MID1: variants seen among roughly 807,000 people sequenced by gnomAD.
MID1 encodes midline 1.
A neutral mutation model predicts 40.4 loss-of-function variants in MID1; 7 were observed. The ratio of observed to expected loss-of-function variants is 0.17; its 90% CI spans 0.10 to 0.33. The LOEUF is 0.33. MID1 is among the 10% of genes least tolerant of loss of function. The probability of loss-of-function intolerance (pLI) is 1.00; values close to 1 mark genes in which losing one functional copy is unlikely to be tolerated. For synonymous variants in MID1, 229 were observed against 221.2 expected (o/e 1.04, Z -0.31); for missense variants, 367 against 558.5 (o/e 0.66, Z 3.46).
chrX:10,449,325 A>C lies in MID1; in HGVS notation c.*43T>G, dbSNP rs1449967039. On this transcript the variant is annotated 3_prime_UTR_variant, in exon 10 of 10. Coordinates refer to ENST00000317552, the MANE Select transcript of MID1 (RefSeq NM_000381.4). ...TCTCAGTCCCCTAAATAGTGGCCTGAACCTTACTGTTCCCCAGAAAGCAGC... is the reference window on the plus strand; with the variant it reads ...TCTCAGTCCCCTAAATAGTGGCCTGCACCTTACTGTTCCCCAGAAAGCAGC... 9.1e-7 allele frequency: 1 copy of C among 1,098,292 alleles called. No individual in the cohort carries two copies. 90.5% of individuals were successfully genotyped at this position (1,098,292 alleles called of 1,213,427 possible). A position where few individuals can be genotyped will look rare whatever the true frequency, so the allele number is the denominator to read the frequency against.
At chrX:10,662,591 G>T (rs2042922780) in intron 1 of MID1, among the ~76,000 whole-genome samples, 1 of 111,327 alleles carries the variant, frequency 9.0e-6, no homozygotes, top group Non-Finnish European at 1.9e-5. Flanking sequence ...AGGACCATAG[G>T]AATCTCCTAA....
chrX:10,545,430 A>G (rs1367133455), intron 2 of MID1, among the ~76,000 whole-genome samples: 1 of 112,119 alleles, frequency 8.9e-6, no homozygotes, highest in Non-Finnish European at 1.9e-5. Flanking sequence ...GATGAACGAG[A>G]CTTTCAACAT....
chrX:10,451,891 A>C (rs1444316970), intron 9 of MID1, among the ~76,000 whole-genome samples: 1 of 111,148 alleles, frequency 9.0e-6, no homozygotes. Flanking sequence ...TTATGTCTTT[A>C]CCAGCAGCAT....
intron 1 of MID1, among the ~76,000 whole-genome samples, chrX:10,817,642 CAG>C (rs1264500410): frequency 3.8e-5 from 2 of 53,049 alleles, no homozygotes; most frequent in Non-Finnish European, 7.0e-5. Context: ...TTTTTTTTGA[CAG>C]AGTCTTGCTT....
chrX:10,449,756 T>C (rs375643911), intron 9 of MID1, 40 bp from the exon 10 acceptor site: 12 of 970,748 alleles, frequency 1.2e-5, no homozygotes, highest in Non-Finnish European at 1.8e-5. Flanking sequence ...CAATGAGCCA[T>C]GTTGCACATG....
chrX:10,451,030 A>T (rs1263671636), intron 9 of MID1, among the ~76,000 whole-genome samples: 1 of 112,142 alleles, frequency 8.9e-6, no homozygotes, highest in Non-Finnish European at 1.9e-5. Flanking sequence ...CACTGGACTT[A>T]AAATACAATC....
intron 3 of MID1, among the ~76,000 whole-genome samples, chrX:10,520,339 T>C (rs993825942): frequency 8.9e-6 from 1 of 112,013 alleles, no homozygotes; most frequent in Non-Finnish European, 1.9e-5. Context: ...TTCAGCAATA[T>C]TAGTCTTCAA....
At chrX:10,822,739 C>G in intron 1 of MID1, among the ~76,000 whole-genome samples, 1 of 112,054 alleles carries the variant, frequency 8.9e-6, no homozygotes. Context: ...CATCACTGAT[C>G]AAGAGAGAAA....
chrX:10,602,027 A>G (rs1408566063), intron 1 of MID1, among the ~76,000 whole-genome samples: 1 of 107,594 alleles, frequency 9.3e-6, no homozygotes, highest in Non-Finnish European at 1.9e-5. Context: ...CCTCCCGAGT[A>G]GCTGGGACTA....
At chrX:10,815,927 C>T (rs1326283431) in intron 1 of MID1, among the ~76,000 whole-genome samples, 2 of 111,815 alleles carry the variant, frequency 1.8e-5, no homozygotes, top group Admixed American at 9.5e-5. Flanking sequence ...TTACAACAAT[C>T]CGTCCCTACC....
At chrX:10,469,938 G>T in intron 6 of MID1, 98 bp from the exon 7 acceptor site, 1 of 786,541 alleles carries the variant, frequency 1.3e-6, no homozygotes, top group Non-Finnish European at 1.9e-6. Context: ...CTTCTCAATA[G>T]GTCCATCAGG....
At chrX:10,475,580 CAA>C (rs1369571099) in intron 5 of MID1, among the ~76,000 whole-genome samples, 1 of 112,051 alleles carries the variant, frequency 8.9e-6, no homozygotes, top group Non-Finnish European at 1.9e-5. Context: ...CTCTTAAAAA[CAA>C]GAGAATTGTG....
intron 1 of MID1, among the ~76,000 whole-genome samples, chrX:10,743,897 C>T (rs746507757): frequency 3.2e-4 from 36 of 111,653 alleles, no homozygotes; most frequent in Admixed American, 1.6e-3. Context: ...CCCCACCAAC[C>T]CTTGAAATTG....
intron 1 of MID1, among the ~76,000 whole-genome samples, chrX:10,697,676 G>A (rs192688085): frequency 3.0e-4 from 34 of 111,748 alleles, no homozygotes; most frequent in African/African-American, 1.1e-3. Context: ...TGGCGTCTGC[G>A]GGTGTCCTGC....
At chrX:10,660,546 T>G (rs2042903751) in intron 1 of MID1, among the ~76,000 whole-genome samples, 1 of 112,632 alleles carries the variant, frequency 8.9e-6, no homozygotes, top group Non-Finnish European at 1.9e-5. Flanking sequence ...GAATCGATTC[T>G]GCAGGGGAAA....
At chrX:10,827,854 A>G (rs903894722) in intron 1 of MID1, among the ~76,000 whole-genome samples, 1 of 111,265 alleles carries the variant, frequency 9.0e-6, no homozygotes, top group Non-Finnish European at 1.9e-5. Context: ...CTCAGTTGAA[A>G]AGTTAAGGCT....
chrX:10,609,748 C>T (rs1223915664), intron 1 of MID1, among the ~76,000 whole-genome samples: 2 of 90,786 alleles, frequency 2.2e-5, no homozygotes, highest in African/African-American at 4.4e-5. Flanking sequence ...GACTGAGTCT[C>T]GCACTTTGGC....
intron 3 of MID1, among the ~76,000 whole-genome samples, chrX:10,512,906 C>T (rs1932228902): frequency 9.0e-6 from 1 of 111,124 alleles, no homozygotes; most frequent in East Asian, 2.8e-4. Flanking sequence ...CTTTGTGTTG[C>T]TCCTCACTGA....
At chrX:10,817,578 T>TTCTTTCTTTCTCTCTC (rs2044147559) in intron 1 of MID1, among the ~76,000 whole-genome samples, 1 of 94,431 alleles carries the variant, frequency 1.1e-5, no homozygotes, top group Non-Finnish European at 2.1e-5. Context: ...CTTTCTCTCT[T>TTCTTTCTTTCTCTCTC]TCTTTCTTTC....
Sources: gnomAD v4.1 joint callset for allele counts (sites outside exome capture counted in the v4.1 genomes callset) on GRCh38, gnomAD v4.1.1 for gene constraint, MANE v1.5 for transcripts, NCBI Gene and HGNC (gene_info 2026-07-23, HGNC 2026-07-21) for gene names.